CEP135: variants seen among roughly 807,000 people sequenced by gnomAD.
CEP135 encodes the protein centrosomal protein 135, also known as centrosomal protein of 135 kDa.
In CEP135, 142 loss-of-function variants were observed where a neutral mutation model predicts 157.3. That is an observed-to-expected ratio of 0.90 (90% CI 0.79 to 1.04). The LOEUF is 1.04. Among genes scored for constraint, CEP135 ranks in the 50% least tolerant of loss-of-function variants. CEP135 has a pLI of 0.00. For synonymous variants in CEP135, 396 were observed against 439.8 expected (o/e 0.90, Z 1.25); for missense variants, 1,317 against 1,309.2 (o/e 1.01, Z -0.09).
At chr4:55,989,491 A>G (rs893997981) in intron 14 of CEP135, among the ~76,000 whole-genome samples, 2 of 152,204 alleles carry the variant, frequency 1.3e-5, no homozygotes, top group African/African-American at 4.8e-5. Context: ...CAAGACACAA[A>G]CACAAATAAA....
rs1422449115 is a variant in CEP135, at chr4:55,999,648, A to G, written c.2280+3A>G. 6 of 1,580,310 alleles carry G rather than the reference A, an allele frequency of 3.8e-6. No homozygotes were observed. The East Asian group carries it at 1.3e-4, about 35-fold the overall frequency. On this transcript the variant is annotated splice_donor_region_variant and intron_variant, in intron 17 of 25. Transcript: ENST00000257287. ...TGCAAGAAAACCTAGCTAATAAAGT[A>G]TGTGATCGTTTAATGTAATTTTCCA...
At chr4:56,004,593 G>C (rs1468735788) in intron 17 of CEP135, among the ~76,000 whole-genome samples, 1 of 152,076 alleles carries the variant, frequency 6.6e-6, no homozygotes, top group Non-Finnish European at 1.5e-5. Flanking sequence ...ACCTGGTGTT[G>C]GGTGCATAAA....
intron 21 of CEP135, among the ~76,000 whole-genome samples, chr4:56,013,631 T>C (rs1297871825): frequency 6.6e-6 from 1 of 152,214 alleles, no homozygotes. Flanking sequence ...AAAAATCTCA[T>C]AATAAAAAAT....
In CEP135 at chr4:55,965,809, C is replaced by T. The variant is rs202222680; in HGVS notation, c.994C>T (p.His332Tyr). The stretch of plus-strand genomic sequence containing the variant: ...TCAGTTAGCACAGCAGTTGGAAAGA[C>T]ATAAAGAAGAAGTGCTTGAGACTGC... ...IDQLAQQLER[H>Y]KEEVLETADK... is the part of the protein sequence containing the mutation. The change falls in exon 8 of 26, where the codon CAT (histidine) becomes TAT (tyrosine). Residue 332 changes from histidine to tyrosine, a missense_variant. His to Tyr is a moderately conservative substitution (Grantham distance 83). Transcript: ENST00000257287. The T allele has an allele frequency of 1.9e-5, 30 of 1,613,662 alleles. No individual in the cohort carries two copies. The highest frequency in any genetic ancestry group is 2.2e-5 in the Non-Finnish European group (26 of 1,179,736).
intron 14 of CEP135, among the ~76,000 whole-genome samples, chr4:55,988,290 A>G (rs778853488): frequency 1.3e-5 from 2 of 152,156 alleles, no homozygotes; most frequent in Non-Finnish European, 1.5e-5. Flanking sequence ...CAAAAAGCCA[A>G]GAATCACATA....
At chr4:56,017,104 GA>G (rs995456161) in intron 21 of CEP135, among the ~76,000 whole-genome samples, 6 of 150,664 alleles carry the variant, frequency 4.0e-5, no homozygotes, top group African/African-American at 1.5e-4. Flanking sequence ...GATTCTTCTA[GA>G]AAAAAAAATT....
Position 56,017,663 on chromosome 4 carries a change from C to A in CEP135, c.2818C>A (p.His940Asn), listed in dbSNP as rs374458809. The A allele has an allele frequency of 1.9e-6, 3 of 1,606,048 alleles. No individual in the cohort carries two copies. The South Asian group carries it at 3.4e-5, about 18-fold the overall frequency. Residue 940 changes from histidine (H) to asparagine (N), a missense_variant, in exon 22 of 26, where the codon CAT (histidine) becomes AAT (asparagine). By Grantham distance (68) the His-to-Asn change is moderately conservative. Transcript: ENST00000257287. ...KEIQEHINAH[H>N]AYESQISSMA... ...CTTTTTTCAGCACATAAATGCCCAT[C>A]ATGCTTATGAATCTCAGATCTCATC...
intron 14 of CEP135, among the ~76,000 whole-genome samples, chr4:55,990,667 A>T (rs1167522014): frequency 1.3e-5 from 2 of 150,650 alleles, no homozygotes; most frequent in Non-Finnish European, 3.0e-5. Flanking sequence ...CGGCTAATTT[A>T]AAAAAAAAAT....
rs942427188 is a variant in CEP135 at position 55,964,481 on chromosome 4, G to T, written c.828+79G>T. 2.5e-6 allele frequency: 3 copies of T among 1,180,224 alleles called. No homozygotes were observed. In the African/African-American group the frequency reaches 4.6e-5, roughly 18 times the overall value. 73.1% of individuals were successfully genotyped at this position (1,180,224 alleles called of 1,614,324 possible). On this transcript the variant is annotated intron_variant, in intron 7 of 25. Transcript: ENST00000257287. ...ACACTATATGTTTATAATGGTCTAT[G>T]GGTTTGTAAAAGTGGCAGGAGTTGT...
intron 18 of CEP135, among the ~76,000 whole-genome samples, chr4:56,009,409 G>T (rs980835126): frequency 6.6e-6 from 1 of 151,964 alleles, no homozygotes; most frequent in Non-Finnish European, 1.5e-5. Flanking sequence ...TGATCTGCCC[G>T]CCTCGGCCTC....
intron 10 of CEP135, among the ~76,000 whole-genome samples, chr4:55,973,129 T>C (rs949528281): frequency 6.6e-6 from 1 of 152,256 alleles, no homozygotes; most frequent in Admixed American, 6.5e-5. Flanking sequence ...CCCTGTGTTT[T>C]GGGTGCATCC....
At position 56,003,440 on chromosome 4, in the gene CEP135, C is replaced by T. The variant is rs548382627; in HGVS notation, c.2280+3795C>T. Among the ~76,000 whole-genome samples, 87 of 152,286 alleles carry T rather than the reference C, an allele frequency of 5.7e-4. 1 individual carries two copies. The highest frequency in any genetic ancestry group is 2.0e-3 in the African/African-American group (83 of 41,574). ...AGCCAGGATGGTCTCAATCTCCTGACCTACTGATCCGCCCGCCTCGGCCTT... is the reference window on the plus strand; with the variant it reads ...AGCCAGGATGGTCTCAATCTCCTGATCTACTGATCCGCCCGCCTCGGCCTT... On this transcript the variant is annotated intron_variant, in intron 17 of 25. Coordinates refer to ENST00000257287, the MANE Select transcript of CEP135 (RefSeq NM_025009.5).
At chr4:55,984,530 A>ACT (rs1447193506) in intron 13 of CEP135, among the ~76,000 whole-genome samples, 4 of 152,182 alleles carry the variant, frequency 2.6e-5, no homozygotes, top group Non-Finnish European at 5.9e-5. Flanking sequence ...CGCTTTACTC[A>ACT]CTACTATATT....
chr4:56,009,941 T>C lies in CEP135; in HGVS notation c.2505+38T>C, dbSNP rs760703156. On this transcript the variant is annotated intron_variant, in intron 19 of 25. Coordinates refer to ENST00000257287, the MANE Select transcript of CEP135 (RefSeq NM_025009.5). ...GGCATAAATTTTGATAGTTTTATAC[T>C]TTCCATTGTTTGCTAAATATTAAAG... 32 of 1,556,152 alleles carry C rather than the reference T, an allele frequency of 2.1e-5. No homozygotes were observed. In the South Asian group the frequency reaches 3.3e-4, roughly 16 times the overall value.
intron 13 of CEP135, among the ~76,000 whole-genome samples, chr4:55,982,158 A>G (rs1032663134): frequency 6.6e-6 from 1 of 152,162 alleles, no homozygotes; most frequent in Non-Finnish European, 1.5e-5. Context: ...CTGTGTCTCT[A>G]TAGATCTTCC....
intron 6 of CEP135, chr4:55,960,148 T>G: frequency 3.5e-6 from 1 of 286,478 alleles, no homozygotes; most frequent in African/African-American, 2.2e-5. Context: ...AATATAATTT[T>G]ATAACCATAT....
chr4:55,961,699 G>A (rs962443428), intron 6 of CEP135, among the ~76,000 whole-genome samples: 3 of 144,868 alleles, frequency 2.1e-5, no homozygotes, highest in Admixed American at 7.2e-5. Context: ...GGGAGGCAGA[G>A]GTTGTGGTGA....
At chr4:55,996,097 A>C (rs1044694421) in intron 15 of CEP135, among the ~76,000 whole-genome samples, 1 of 152,142 alleles carries the variant, frequency 6.6e-6, no homozygotes, top group Non-Finnish European at 1.5e-5. Context: ...AGAAGTATTT[A>C]TTTTTTAAGG....
At chr4:55,964,167 G>A (rs1348838256) in intron 6 of CEP135, 107 bp from the exon 7 acceptor site, 3 of 1,030,406 alleles carry the variant, frequency 2.9e-6, no homozygotes, top group South Asian at 2.0e-5. Flanking sequence ...TTAATCTCTT[G>A]CATACATTGG....
Sources: allele counts gnomAD v4.1 joint callset (sites outside exome capture counted in the v4.1 genomes callset), GRCh38; gene constraint gnomAD v4.1.1; transcripts MANE v1.5; gene names NCBI Gene and HGNC (gene_info 2026-07-23, HGNC 2026-07-21).